L3MBTL4: variants seen among roughly 807,000 people sequenced by gnomAD.
The protein encoded by L3MBTL4 is L3MBTL histone methyl-lysine binding protein 4, also known as lethal(3)malignant brain tumor-like protein 4.
In L3MBTL4, 70 loss-of-function variants were observed where a neutral mutation model predicts 84.5. The ratio of observed to expected loss-of-function variants is 0.83; its 90% confidence interval spans 0.68 to 1.01. The LOEUF (loss-of-function observed/expected upper bound fraction) is 1.01, where lower values mean the gene tolerates loss of function less well. L3MBTL4 is among the 50% of genes least tolerant of loss of function. The pLI is 0.00. For synonymous variants in L3MBTL4, 274 were observed against 259.8 expected (o/e 1.05, Z -0.52); for missense variants, 715 against 754.8 (o/e 0.95, Z 0.62).
At chr18:6,027,335 T>C (rs180881442) in intron 16 of L3MBTL4, among the ~76,000 whole-genome samples, 3 of 152,298 alleles carry the variant, frequency 2.0e-5, no homozygotes, top group Non-Finnish European at 4.4e-5. Flanking sequence ...GGCTTCCAGC[T>C]TCATGCATGG....
intron 2 of L3MBTL4, 126 bp from the exon 3 acceptor site, chr18:6,311,782 T>G: frequency 1.6e-6 from 1 of 615,746 alleles, no homozygotes; most frequent in Non-Finnish European, 2.9e-6. Context: ...ACCTGATAAG[T>G]TGACAAAAAC....
intron 12 of L3MBTL4, among the ~76,000 whole-genome samples, chr18:6,194,177 A>G (rs1236563152): frequency 6.6e-6 from 1 of 152,224 alleles, no homozygotes; most frequent in East Asian, 1.9e-4. Context: ...CTCCCACCGT[A>G]CAGTGATCAG....
intron 4 of L3MBTL4, among the ~76,000 whole-genome samples, chr18:6,276,247 A>G (rs986926283): frequency 1.3e-5 from 2 of 152,186 alleles, no homozygotes; most frequent in Non-Finnish European, 2.9e-5. Context: ...GTATAAAATG[A>G]AGCTGTGCCT....
chr18:6,135,090 A>T (rs1286770877), intron 14 of L3MBTL4, among the ~76,000 whole-genome samples: 1 of 152,162 alleles, frequency 6.6e-6, no homozygotes, highest in Non-Finnish European at 1.5e-5. Flanking sequence ...GCTCAACACC[A>T]TGTGGAAGCT....
intron 5 of L3MBTL4, 70 bp downstream of exon 5, chr18:6,263,877 G>C (rs1218357114): frequency 7.7e-6 from 8 of 1,042,390 alleles, no homozygotes; most frequent in Non-Finnish European, 1.1e-5. Flanking sequence ...ATCTAGGAAA[G>C]TCATTTCATT....
At chr18:6,088,442 CAAGA>C (rs1251829644) in intron 15 of L3MBTL4, among the ~76,000 whole-genome samples, 8 of 152,028 alleles carry the variant, frequency 5.3e-5, no homozygotes, top group South Asian at 2.1e-4. Flanking sequence ...CACAGAACTC[CAAGA>C]GAGAGGTGAG....
chr18:6,202,037 C>G (rs1324953417), intron 12 of L3MBTL4, among the ~76,000 whole-genome samples: 4 of 152,174 alleles, frequency 2.6e-5, no homozygotes, highest in African/African-American at 9.7e-5. Context: ...TTGTGCCAGT[C>G]ACCAACTTTC....
chr18:6,317,609 A>G (rs904972392), intron 1 of L3MBTL4, among the ~76,000 whole-genome samples: 2 of 152,238 alleles, frequency 1.3e-5, no homozygotes, highest in Non-Finnish European at 2.9e-5. Flanking sequence ...GGATTATGTA[A>G]AAGGTCCAAT....
chr18:6,061,284 T>C (rs1162998014), intron 16 of L3MBTL4, among the ~76,000 whole-genome samples: 4 of 152,120 alleles, frequency 2.6e-5, no homozygotes, highest in Non-Finnish European at 4.4e-5. Flanking sequence ...TTATTTATCA[T>C]TTGTGTCTGC....
At position 6,080,955 on chromosome 18, in the gene L3MBTL4, G is replaced by T; in HGVS notation, c.1374-4C>A. On this transcript the variant is annotated splice_region_variant and splice_polypyrimidine_tract_variant and intron_variant, in intron 15 of 18. Transcript: ENST00000317931. ...ACACTTTGCCTGCTGTACAAGTCTG[G>T]GCAAAGAACAGAAATAAAATCTAGA... 1 of 1,595,324 alleles carries T rather than the reference G, an allele frequency of 6.3e-7. No individual in the cohort carries two copies. Among genetic ancestry groups the T allele is most frequent in the Non-Finnish European group, 8.6e-7 (1 of 1,168,706 alleles).
intron 3 of L3MBTL4, among the ~76,000 whole-genome samples, chr18:6,309,496 G>T (rs1295283078): frequency 6.6e-6 from 1 of 152,152 alleles, no homozygotes; most frequent in Non-Finnish European, 1.5e-5. Context: ...AAATTCATTT[G>T]CATGGAGATG....
chr18:6,024,542 A>G (rs1276288527), intron 16 of L3MBTL4, among the ~76,000 whole-genome samples: 1 of 152,236 alleles, frequency 6.6e-6, no homozygotes, highest in Non-Finnish European at 1.5e-5. Flanking sequence ...ACTAAAGCCC[A>G]CAAAATATGC....
chr18:5,964,614 G>A lies in L3MBTL4; in HGVS notation c.1615-4458C>T, dbSNP rs185253494. Among the ~76,000 whole-genome samples, 4 of 152,170 alleles carry A rather than the reference G, an allele frequency of 2.6e-5. No homozygotes were observed. In the East Asian group the frequency reaches 5.8e-4, roughly 22 times the overall value. On this transcript the variant is annotated intron_variant, in intron 17 of 18. Coordinates refer to ENST00000317931, the MANE Select transcript of L3MBTL4 (RefSeq NM_001330559.2). ...CCTGTGTAAAGGCTGCTTTTAAAGT[G>A]ACTGCCATCTTTCAAAGTTAATGAA...
intron 1 of L3MBTL4, among the ~76,000 whole-genome samples, chr18:6,318,829 A>G (rs2051258558): frequency 6.6e-6 from 1 of 152,146 alleles, no homozygotes; most frequent in Admixed American, 6.5e-5. Context: ...CAGAATATAC[A>G]TTCTTCTCAT....
intron 14 of L3MBTL4, among the ~76,000 whole-genome samples, chr18:6,101,526 AGC>A (rs2058827683): frequency 2.0e-5 from 3 of 152,124 alleles, no homozygotes; most frequent in African/African-American, 7.2e-5. Context: ...ACTTAACTAA[AGC>A]ACCCACGAAG....
chr18:6,121,250 G>A (rs939942866), intron 14 of L3MBTL4, among the ~76,000 whole-genome samples: 3 of 152,064 alleles, frequency 2.0e-5, no homozygotes, highest in African/African-American at 4.8e-5. Flanking sequence ...CATTTCTAAC[G>A]CAATCCTAAA....
In L3MBTL4 at chr18:6,148,156, G is replaced by A. The variant is rs867668159; in HGVS notation, c.1097-9860C>T. 1.2e-4 allele frequency among the ~76,000 whole-genome samples: 19 copies of A among 152,234 alleles called. No homozygotes were observed. In the South Asian group the frequency reaches 3.7e-3, roughly 30 times the overall value. ...AGTTTTACTGATATATGGATAAAAT[G>A]ACAATAAAGAAGAGAAAATTGTAGA... is the stretch of plus-strand genomic sequence containing the variant. On this transcript the variant is annotated intron_variant, in intron 13 of 18. Transcript: ENST00000317931.
chr18:5,957,726 T>C (rs893247702), intron 18 of L3MBTL4, among the ~76,000 whole-genome samples: 7 of 151,682 alleles, frequency 4.6e-5, no homozygotes, highest in Non-Finnish European at 1.0e-4. Flanking sequence ...GAGGCCGAGG[T>C]GGGCAGATCA....
chr18:6,017,884 G>T (rs2145462178), intron 16 of L3MBTL4: 1 of 152,300 alleles, frequency 6.6e-6, no homozygotes, highest in East Asian at 1.9e-4. Flanking sequence ...AGGTTGTGCA[G>T]AGAAAAGCGG....
Sources: gnomAD v4.1 joint callset for allele counts (sites outside exome capture counted in the v4.1 genomes callset) on GRCh38, gnomAD v4.1.1 for gene constraint, MANE v1.5 for transcripts, NCBI Gene and HGNC (gene_info 2026-07-23, HGNC 2026-07-21) for gene names.